The following PICALM variants were observed in gnomAD, a reference collection of about 807,000 sequenced individuals.
The protein encoded by PICALM is phosphatidylinositol binding clathrin assembly protein.
In PICALM, 40 loss-of-function variants were observed where a neutral mutation model predicts 80.5. The observed-to-expected ratio is 0.50, with a 90% CI of 0.39 to 0.65. The LOEUF is 0.65. Among genes scored for constraint, PICALM ranks in the 30% least tolerant of loss-of-function variants. The probability of loss-of-function intolerance (pLI) is 0.00; values close to 1 mark genes in which losing one functional copy is unlikely to be tolerated. For synonymous variants in PICALM, 288 were observed against 260.3 expected, an observed-to-expected ratio of 1.11 and a Z score of -1.02; for missense variants, 676 against 778.9, an observed-to-expected ratio of 0.87 and a Z score of 1.57.
intron 1 of PICALM, among the ~76,000 whole-genome samples, chr11:86,061,351 A>AAAAAG (rs1565603711): frequency 3.0e-4 from 44 of 144,958 alleles, no homozygotes; most frequent in African/African-American, 1.1e-3. Flanking sequence ...AAAAAAAAAA[A>AAAAAG]AAAAGAAAAG....
intron 10 of PICALM, 107 bp from the exon 11 acceptor site, chr11:86,000,886 A>C: frequency 6.7e-7 from 1 of 1,485,166 alleles, no homozygotes; most frequent in Non-Finnish European, 9.1e-7. Flanking sequence ...ATTCTGTTTT[A>C]CCTAATTCTA....
intron 1 of PICALM, among the ~76,000 whole-genome samples, chr11:86,059,504 A>T (rs1010710234): frequency 5.9e-5 from 9 of 152,232 alleles, no homozygotes; most frequent in African/African-American, 2.2e-4. Flanking sequence ...AGCAAGGTAA[A>T]GACAGTTTAA....
chr11:85,991,579 T>C (rs1379500050), intron 12 of PICALM, among the ~76,000 whole-genome samples: 6 of 151,986 alleles, frequency 3.9e-5, no homozygotes, highest in Non-Finnish European at 7.4e-5. Flanking sequence ...CAGGTTATGA[T>C]TTTAAAAACA....
chr11:86,046,064 ATTAAAG>A (rs1479308524), intron 1 of PICALM, among the ~76,000 whole-genome samples: 4 of 152,200 alleles, frequency 2.6e-5, no homozygotes, highest in African/African-American at 9.6e-5. Flanking sequence ...AAGATATTTC[ATTAAAG>A]TTAATTTCTC....
chr11:85,960,723 C>A, intron 19 of PICALM: 2 of 1,319,836 alleles, frequency 1.5e-6, no homozygotes, highest in Non-Finnish European at 2.0e-6. Context: ...GCAAAGGGGT[C>A]CTTTCCTGAA....
At chr11:85,980,256 G>C (rs1565266704) in intron 17 of PICALM, among the ~76,000 whole-genome samples, 1 of 152,178 alleles carries the variant, frequency 6.6e-6, no homozygotes, top group South Asian at 2.1e-4. Flanking sequence ...AAGGAGGATG[G>C]GGAGTCCATC....
chr11:85,974,869 A>C (rs2094224285), intron 18 of PICALM, 57 bp from the exon 19 acceptor site: 9 of 1,171,492 alleles, frequency 7.7e-6, no homozygotes, highest in Non-Finnish European at 1.2e-5. Context: ...ATTGTGACTA[A>C]GTAAATAACA....
At chr11:86,069,308 C>T (rs2096488058), upstream of PICALM, 1 of 165,510 alleles carries the variant, frequency 6.0e-6, no homozygotes, top group Non-Finnish European at 1.3e-5. Flanking sequence ...ACAGCCGGCG[C>T]ATCACGTGAC....
rs115047385 is a variant in PICALM, at chr11:86,049,156, G to T, written c.131-17545C>A. Among the ~76,000 whole-genome samples, 1,122 of 152,012 alleles carry T rather than the reference G, an allele frequency of 7.4e-3. 14 individuals carry two copies. Among genetic ancestry groups the T allele is most frequent in the African/African-American group, 0.026 (1,060 of 41,440 alleles). The stretch of plus-strand genomic sequence containing the variant: ...AAAAATACAAAAATTAGTCAGGCAC[G>T]GTGGGTGCACACCTATAATCCCAAC... On this transcript the variant is annotated intron_variant, in intron 1 of 19. Coordinates refer to ENST00000393346, the MANE Select transcript of PICALM (RefSeq NM_007166.4).
At chr11:86,061,559 T>C (rs1409157280) in intron 1 of PICALM, among the ~76,000 whole-genome samples, 1 of 151,970 alleles carries the variant, frequency 6.6e-6, no homozygotes, top group East Asian at 1.9e-4. Flanking sequence ...ACAATACCAC[T>C]ACACACCTAT....
intron 1 of PICALM, among the ~76,000 whole-genome samples, chr11:86,046,267 A>G (rs2096070252): frequency 6.6e-6 from 1 of 152,178 alleles, no homozygotes; most frequent in African/African-American, 2.4e-5. Context: ...CTATAACAAG[A>G]CTAACCAACA....
At chr11:85,965,429 C>T (rs111937120) in intron 19 of PICALM, among the ~76,000 whole-genome samples, 310 of 152,238 alleles carry the variant, frequency 2.0e-3, no homozygotes, top group African/African-American at 7.1e-3. Context: ...GACCATGGTG[C>T]TACTAAATAG....
chr11:85,996,733 T>C (rs1158538623), intron 12 of PICALM, 93 bp downstream of exon 12: 1 of 757,090 alleles, frequency 1.3e-6, no homozygotes, highest in South Asian at 1.6e-5. Context: ...TTCTCATGTA[T>C]CAAGTGTAAT....
chr11:86,017,727 C>G (rs2095502650), intron 4 of PICALM, among the ~76,000 whole-genome samples: 1 of 152,184 alleles, frequency 6.6e-6, no homozygotes, highest in Non-Finnish European at 1.5e-5. Flanking sequence ...CAAGTAGTCT[C>G]TTGTATAAAT....
At chr11:85,982,896 C>G (rs1294008463) in intron 14 of PICALM, among the ~76,000 whole-genome samples, 1 of 152,022 alleles carries the variant, frequency 6.6e-6, no homozygotes, top group Non-Finnish European at 1.5e-5. Flanking sequence ...AAAATCCAAT[C>G]AAACAAACCC....
At chr11:86,001,258 A>G (rs1452289398) in intron 9 of PICALM, 100 bp from the exon 10 acceptor site, 2 of 1,067,160 alleles carry the variant, frequency 1.9e-6, no homozygotes, top group African/African-American at 1.6e-5. Flanking sequence ...GATAGGCACT[A>G]TAATTATAAA....
chr11:86,003,561 G>C, intron 8 of PICALM, 110 bp from the exon 9 acceptor site: 2 of 533,690 alleles, frequency 3.7e-6, no homozygotes, highest in Admixed American at 3.4e-5. Context: ...TGTTCTTCAT[G>C]TACTAATTAA....
chr11:85,976,065 A>G (rs561658649), intron 18 of PICALM, among the ~76,000 whole-genome samples: 3 of 152,328 alleles, frequency 2.0e-5, no homozygotes, highest in African/African-American at 7.2e-5. Flanking sequence ...CCTCAAATAC[A>G]TACCAGTGGG....
intron 1 of PICALM, among the ~76,000 whole-genome samples, chr11:86,032,828 A>G (rs2095781632): frequency 6.6e-6 from 1 of 152,216 alleles, no homozygotes; most frequent in Admixed American, 6.5e-5. Flanking sequence ...AATTCAAATG[A>G]TCTAACTTGG....
Sources: allele counts gnomAD v4.1 joint callset (sites outside exome capture counted in the v4.1 genomes callset), GRCh38; gene constraint gnomAD v4.1.1; transcripts MANE v1.5; gene names NCBI Gene and HGNC (gene_info 2026-07-23, HGNC 2026-07-21).